INTS8: variants seen among roughly 807,000 people sequenced by gnomAD.
The protein encoded by INTS8 is integrator complex subunit 8.
Under a neutral mutation model 138.9 loss-of-function variants are expected in INTS8, and 47 were observed. That is an observed-to-expected ratio of 0.34 (90% CI 0.27 to 0.43). The LOEUF (loss-of-function observed/expected upper bound fraction) is 0.43, where lower values mean the gene tolerates loss of function less well. INTS8 is among the 20% of genes least tolerant of loss of function. The probability of loss-of-function intolerance (pLI) is 1.00; values close to 1 mark genes in which losing one functional copy is unlikely to be tolerated. For missense variants in INTS8, 996 were observed against 1,173.0 expected (o/e 0.85, Z 2.20); for synonymous variants, 392 against 400.9 (o/e 0.98, Z 0.27).
chr8:94,853,711 GT>G, intron 13 of INTS8, 93 bp from the exon 14 acceptor site: 1 of 692,090 alleles, frequency 1.4e-6, no homozygotes. Flanking sequence ...TGAGTTATTT[GT>G]TTTAAATGCG....
In INTS8 at chr8:94,867,256, CT is replaced by C. The variant is rs761649709; in HGVS notation, c.2353-11del. 2.0e-5 allele frequency: 31 copies of C among 1,580,160 alleles called. No homozygotes were observed. The highest frequency in any genetic ancestry group is 5.2e-5 in the Admixed American group (3 of 57,266). ...AAAGAAATTTCTTTGTAAATCACAC[CT>C]TTTTTTTTCTTTTTAAAGGAGGACA... is the stretch of plus-strand genomic sequence containing the variant. On this transcript the variant is annotated intron_variant, in intron 19 of 26. Transcript: ENST00000523731.
intron 1 of INTS8, 63 bp downstream of exon 1, chr8:94,823,624 C>CCGCCG (rs1563635934): frequency 2.3e-5 from 30 of 1,314,914 alleles, no homozygotes; most frequent in Non-Finnish European, 3.0e-5. Flanking sequence ...GCCCAGCTTC[C>CCGCCG]CTCCGCTCCC....
At chr8:94,867,371 G>A (rs778523442) in intron 20 of INTS8, 34 bp downstream of exon 20, 2 of 1,522,796 alleles carry the variant, frequency 1.3e-6, no homozygotes, top group East Asian at 4.5e-5. Flanking sequence ...TTTATTAATT[G>A]AGTTATGTAT....
In INTS8 at chr8:94,859,574, A is replaced by G. The variant is rs1283375681; in HGVS notation, c.2018A>G (p.Asn673Ser). Residue 673 changes from asparagine (N) to serine (S), a missense_variant, in exon 16 of 27, where the codon AAT (asparagine) becomes AGT (serine). Coordinates refer to ENST00000523731, the MANE Select transcript of INTS8 (RefSeq NM_017864.4). ...GCCTTTATGTTAAACTGGAGAGAAA[A>G]TGAATACCTTACACTCCAAGTTCCT... is the stretch of plus-strand genomic sequence containing the variant. ...CVAFMLNWRENEYLTLQVPAF... is the reference protein window; with the variant it reads ...CVAFMLNWRESEYLTLQVPAF... The G allele has an allele frequency of 1.2e-6, 2 of 1,612,138 alleles. No individual in the cohort carries two copies. Among genetic ancestry groups the G allele is most frequent in the South Asian group, 1.1e-5 (1 of 91,056 alleles).
chr8:94,873,611 G>C (rs1586531320), intron 22 of INTS8, 134 bp downstream of exon 22: 1 of 651,582 alleles, frequency 1.5e-6, no homozygotes, highest in East Asian at 2.6e-5. Flanking sequence ...AGAACACATT[G>C]CTCTGTGTAT....
chr8:94,823,456 G>A lies in INTS8; in HGVS notation c.25G>A (p.Glu9Lys), dbSNP rs1814356256. The change falls in exon 1 of 27, where the codon GAG (glutamate) becomes AAG (lysine). Residue 9 changes from glutamate to lysine, a missense_variant. Glu to Lys is a moderately conservative substitution (Grantham distance 56). Transcript: ENST00000523731. ...GATGAGCGCGGAGGCGGCGGACCGG[G>A]AGGCGGCCACCTCCAGCCGGCCCTG... MSAEAADR[E>K]AATSSRPCTP... The A allele has an allele frequency of 6.5e-7, 1 of 1,542,494 alleles. No homozygotes were observed. The highest frequency in any genetic ancestry group is 8.7e-7 in the Non-Finnish European group (1 of 1,144,240).
intron 5 of INTS8, among the ~76,000 whole-genome samples, chr8:94,829,556 C>T (rs779979979): frequency 6.6e-6 from 1 of 152,202 alleles, no homozygotes; most frequent in African/African-American, 2.4e-5. Context: ...TCCTGCTGTG[C>T]AGCCTGGTTC....
rs190469806 is a variant in INTS8, at chr8:94,842,024, G to A, written c.1119-323G>A. Among the ~76,000 whole-genome samples, 5 of 150,558 alleles carry A rather than the reference G, an allele frequency of 3.3e-5. No homozygotes were observed. The East Asian group carries it at 9.8e-4, about 29-fold the overall frequency. ...GTGGAGGTTGCAGTGAGCCGAGATT[G>A]CACCACTGTACTCCAGCCTGGGTGA... On this transcript the variant is annotated intron_variant, in intron 9 of 26. Coordinates refer to ENST00000523731, the MANE Select transcript of INTS8 (RefSeq NM_017864.4).
chr8:94,853,329 C>T (rs1360743499), intron 13 of INTS8, among the ~76,000 whole-genome samples: 1 of 151,964 alleles, frequency 6.6e-6, no homozygotes, highest in Non-Finnish European at 1.5e-5. Flanking sequence ...AAGAACAAAC[C>T]AAAAATTTTT....
intron 16 of INTS8, among the ~76,000 whole-genome samples, chr8:94,861,881 G>A (rs764857106): frequency 2.5e-4 from 38 of 151,374 alleles, no homozygotes; most frequent in Non-Finnish European, 3.8e-4. Flanking sequence ...ACACTTGCTC[G>A]TGAAAACTGC....
intron 14 of INTS8, among the ~76,000 whole-genome samples, chr8:94,854,988 C>T (rs1359270068): frequency 1.3e-5 from 2 of 151,692 alleles, no homozygotes; most frequent in Non-Finnish European, 2.9e-5. Flanking sequence ...TCAAACAATC[C>T]TTCCACATCA....
chr8:94,860,668 A>G (rs754785013), intron 16 of INTS8, among the ~76,000 whole-genome samples: 74 of 149,862 alleles, frequency 4.9e-4, no homozygotes, highest in Non-Finnish European at 8.7e-4. Context: ...CTTTTTGGGT[A>G]TATTTGGTGC....
chr8:94,837,806 G>T (rs1449817166), intron 7 of INTS8, among the ~76,000 whole-genome samples: 1 of 151,842 alleles, frequency 6.6e-6, no homozygotes, highest in African/African-American at 2.4e-5. Flanking sequence ...CTTTGTAAAG[G>T]GTCAGTTAGC....
At chr8:94,869,395 C>T (rs117475748) in intron 20 of INTS8, among the ~76,000 whole-genome samples, 4,285 of 152,230 alleles carry the variant, frequency 0.028, 116 homozygotes, top group East Asian at 0.066. Context: ...GGTACGATCT[C>T]GGCTTACTGC....
At chr8:94,850,487 C>G (rs1366775232) in intron 12 of INTS8, among the ~76,000 whole-genome samples, 1 of 152,052 alleles carries the variant, frequency 6.6e-6, no homozygotes, top group African/African-American at 2.4e-5. Flanking sequence ...TGGTGGGCGC[C>G]TGTAGTCCCA....
chr8:94,856,764 T>C lies in INTS8; in HGVS notation c.1753-13T>C. ...AGGAAAGGTGACCCAGGCTATTCTT[T>C]TTCTTTTCATAGGACTTTTCCCATG... On this transcript the variant is annotated splice_polypyrimidine_tract_variant and intron_variant, in intron 14 of 26. Coordinates refer to ENST00000523731, the MANE Select transcript of INTS8 (RefSeq NM_017864.4). 6.2e-7 allele frequency: 1 copy of C among 1,613,444 alleles called. No homozygotes were observed. Among genetic ancestry groups the C allele is most frequent in the Non-Finnish European group, 8.5e-7 (1 of 1,179,494 alleles).
intron 22 of INTS8, chr8:94,873,684 A>G: frequency 2.1e-6 from 1 of 484,624 alleles, no homozygotes; most frequent in Non-Finnish European, 3.7e-6. Flanking sequence ...CCTCAAATTC[A>G]ACTTGTCCAA....
At chr8:94,863,866 C>T (rs1343790487) in intron 16 of INTS8, among the ~76,000 whole-genome samples, 1 of 152,162 alleles carries the variant, frequency 6.6e-6, no homozygotes, top group East Asian at 1.9e-4. Flanking sequence ...TTTAGGTAAG[C>T]TTGCAGGATG....
intron 5 of INTS8, 124 bp downstream of exon 5, chr8:94,829,150 TG>T: frequency 1.5e-6 from 1 of 652,080 alleles, no homozygotes; most frequent in Non-Finnish European, 2.7e-6. Flanking sequence ...GGATGTGGTG[TG>T]GGGGGCGGGG....
Sources: gnomAD v4.1 joint callset for allele counts (sites outside exome capture counted in the v4.1 genomes callset) on GRCh38, gnomAD v4.1.1 for gene constraint, MANE v1.5 for transcripts, NCBI Gene and HGNC (gene_info 2026-07-23, HGNC 2026-07-21) for gene names.